The following OR6N1 variants were observed in gnomAD, a reference collection of about 807,000 sequenced individuals.
The protein encoded by OR6N1 is olfactory receptor 6N1.
For synonymous variants in OR6N1, 170 were observed against 150.7 expected, an observed-to-expected ratio of 1.13 and a Z score of -0.94; for missense variants, 394 against 371.7, an observed-to-expected ratio of 1.06 and a Z score of -0.49.
chr1:158,801,211 T>C, the OR6N1 span, among the ~76,000 whole-genome samples: 1 of 151,828 alleles, frequency 6.6e-6, no homozygotes, highest in Non-Finnish European at 1.5e-5. Context: ...TGTGTGTGTA[T>C]GTGAAGAAGA....
At chr1:158,832,855 T>C in the OR6N1 span, among the ~76,000 whole-genome samples, 1 of 152,046 alleles carries the variant, frequency 6.6e-6, no homozygotes, top group African/African-American at 2.4e-5. Context: ...ATTGAAAATT[T>C]TTCCTCCTAG....
the OR6N1 span, among the ~76,000 whole-genome samples, chr1:158,825,440 A>G: frequency 6.7e-6 from 1 of 149,116 alleles, no homozygotes; most frequent in Non-Finnish European, 1.5e-5. Context: ...TTCCATCTCA[A>G]AAAAAAAAAA....
Position 158,766,163 on chromosome 1 carries a change from T to A in OR6N1, c.520A>T (p.Ile174Phe). The change falls in exon 2 of 2, where the codon ATT becomes TTT. Residue 174 changes from isoleucine (I) to phenylalanine (F), a missense_variant. Ile to Phe is a conservative substitution (Grantham distance 21, BLOSUM62 0). Coordinates refer to ENST00000641846, the MANE Select transcript of OR6N1 (RefSeq NM_001005185.2). ...GGGAAGTCACAAAAGACGTGCTGAATGCGATTGGGGCCACAGAATGGGAGG... is the reference window on the plus strand; with the variant it reads ...GGGAAGTCACAAAAGACGTGCTGAAAGCGATTGGGGCCACAGAATGGGAGG... ...SRLPFCGPNRIQHVFCDFPPV... is the reference protein window; with the variant it reads ...SRLPFCGPNRFQHVFCDFPPV... 1 of 1,614,134 alleles carries A rather than the reference T, an allele frequency of 6.2e-7. No individual in the cohort carries two copies. Among genetic ancestry groups the A allele is most frequent in the East Asian group, 2.2e-5 (1 of 44,860 alleles).
chr1:158,816,355 A>T, the OR6N1 span, among the ~76,000 whole-genome samples: 1 of 152,242 alleles, frequency 6.6e-6, no homozygotes, highest in Admixed American at 6.5e-5. Context: ...TGGAGATCAT[A>T]ATATTTTTAA....
the OR6N1 span, among the ~76,000 whole-genome samples, chr1:158,829,094 C>T: frequency 1.3e-5 from 2 of 152,208 alleles, no homozygotes; most frequent in African/African-American, 2.4e-5. Context: ...TCCTCTTACA[C>T]CTCCAGGCCT....
At chr1:158,789,699 A>G in the OR6N1 span, among the ~76,000 whole-genome samples, 2 of 152,216 alleles carry the variant, frequency 1.3e-5, no homozygotes, top group African/African-American at 4.8e-5. Context: ...TTTTCTTACT[A>G]TGGAGTTATT....
At chr1:158,775,248 C>T (rs1407064013), upstream of OR6N1, 1 of 152,132 alleles carries the variant, frequency 6.6e-6, no homozygotes, top group African/African-American at 2.4e-5. Flanking sequence ...CCTCTCAAAG[C>T]TAGCATCACT....
the OR6N1 span, among the ~76,000 whole-genome samples, chr1:158,833,397 A>G: frequency 2.6e-5 from 4 of 152,234 alleles, no homozygotes; most frequent in South Asian, 2.1e-4. Flanking sequence ...AGTATTAAAT[A>G]CATTCATATT....
the OR6N1 span, among the ~76,000 whole-genome samples, chr1:158,830,383 TG>T: frequency 6.6e-6 from 1 of 152,238 alleles, no homozygotes; most frequent in Non-Finnish European, 1.5e-5. Flanking sequence ...CTCTCTATGC[TG>T]CTGGTTTGGA....
the OR6N1 span, among the ~76,000 whole-genome samples, chr1:158,790,237 T>C: frequency 6.6e-6 from 1 of 152,210 alleles, no homozygotes; most frequent in South Asian, 2.1e-4. Context: ...TAGCTTGCTA[T>C]ACTTTTGTAG....
upstream of OR6N1, chr1:158,775,661 A>G (rs1175234389): frequency 6.6e-6 from 1 of 152,222 alleles, no homozygotes; most frequent in African/African-American, 2.4e-5. Context: ...CATTAATCCA[A>G]TTGAGAGATG....
At chr1:158,825,283 C>T in the OR6N1 span, among the ~76,000 whole-genome samples, 1 of 151,808 alleles carries the variant, frequency 6.6e-6, no homozygotes, top group Non-Finnish European at 1.5e-5. Context: ...ACTAACAATA[C>T]AAAAAATTAG....
upstream of OR6N1, chr1:158,775,018 G>T (rs1163806995): frequency 6.6e-6 from 1 of 152,134 alleles, no homozygotes; most frequent in Admixed American, 6.5e-5. Flanking sequence ...CTATTTAGGT[G>T]CTGTGTTAGT....
At chr1:158,811,698 A>G in the OR6N1 span, among the ~76,000 whole-genome samples, 1 of 152,218 alleles carries the variant, frequency 6.6e-6, no homozygotes. Context: ...GGCAAAAAAG[A>G]AAATCACACA....
chr1:158,799,124 A>C, the OR6N1 span, among the ~76,000 whole-genome samples: 3 of 152,250 alleles, frequency 2.0e-5, no homozygotes, highest in African/African-American at 4.8e-5. Context: ...TTCTCATTAA[A>C]ATAAAAATCT....
At chr1:158,775,005 A>G (rs1657552207), upstream of OR6N1, 1 of 152,234 alleles carries the variant, frequency 6.6e-6, no homozygotes, top group South Asian at 2.1e-4. Context: ...TTGAATACTC[A>G]TCCTATTTAG....
the OR6N1 span, among the ~76,000 whole-genome samples, chr1:158,804,535 A>G: frequency 6.6e-6 from 1 of 152,220 alleles, no homozygotes; most frequent in Admixed American, 6.5e-5. Flanking sequence ...TAAAAGTAGT[A>G]TTCAGCATGT....
chr1:158,824,527 G>T, the OR6N1 span, among the ~76,000 whole-genome samples: 2 of 152,148 alleles, frequency 1.3e-5, no homozygotes, highest in Admixed American at 1.3e-4. Flanking sequence ...GTGATGAAAA[G>T]AACTCTGTTG....
At chr1:158,796,930 C>G in the OR6N1 span, among the ~76,000 whole-genome samples, 1 of 149,738 alleles carries the variant, frequency 6.7e-6, no homozygotes, top group Non-Finnish European at 1.5e-5. Context: ...TAAGTGGCAA[C>G]TAAGTCCAGG....
Sources: allele counts gnomAD v4.1 joint callset (sites outside exome capture counted in the v4.1 genomes callset), GRCh38; gene constraint gnomAD v4.1.1; transcripts MANE v1.5; gene names NCBI Gene and HGNC (gene_info 2026-07-23, HGNC 2026-07-21).